P2RY8: variants seen among roughly 807,000 people sequenced by gnomAD.
The protein encoded by P2RY8 is P2Y receptor family member 8, also known as S-geranylgeranyl-glutathione receptor P2RY8.
P2RY8 carries 6 observed loss-of-function variants against 10.0 expected under a neutral mutation model. That is an observed-to-expected ratio of 0.60 (90% confidence interval 0.33 to 1.19). P2RY8 has a LOEUF of 1.19. Among genes scored for constraint, P2RY8 ranks in the 50% most tolerant of loss-of-function variants. The pLI, the probability that P2RY8 is intolerant of heterozygous loss-of-function variation, is 0.04. For missense variants in P2RY8, 456 were observed against 542.0 expected (o/e 0.84, Z 1.58); for synonymous variants, 276 against 252.5 (o/e 1.09, Z -0.88).
chrX:1,509,328 GTATT>G lies in P2RY8; in HGVS notation c.-25+27589_-25+27592del, dbSNP rs1280740834. ...ATTCATCCATCTATCTATCCTGTAT[GTATT>G]TATCTATCCATCATCCATCCATCCA... On this transcript the variant is annotated intron_variant, in intron 1 of 1. Coordinates refer to ENST00000381297, the MANE Select transcript of P2RY8 (RefSeq NM_178129.5). Among the ~76,000 whole-genome samples the G allele has an allele frequency of 2.1e-5, 3 of 145,126 alleles. No homozygotes were observed. In the Admixed American group the frequency reaches 2.1e-4, roughly 10 times the overall value.
intron 1 of P2RY8, among the ~76,000 whole-genome samples, chrX:1,530,968 T>C (rs2092470697): frequency 6.6e-6 from 1 of 151,038 alleles, no homozygotes; most frequent in Non-Finnish European, 1.5e-5. Context: ...TTTATCCATG[T>C]ATGTATGTAT....
intron 1 of P2RY8, among the ~76,000 whole-genome samples, chrX:1,484,025 GCTCCCTTAGACCCAAAGCTGGA>G (rs2091963585): frequency 6.6e-6 from 1 of 151,142 alleles, no homozygotes; most frequent in Non-Finnish European, 1.5e-5. Context: ...TCAAAGCTGG[GCTCCCTTAGACCCAAAGCTGGA>G]CTCCCCTAAA....
rs187626374 is a variant in P2RY8 at position 1,478,159 on chromosome X, T to A, written c.-24-11577A>T. ...GAAGTTCTTGACTCATGTGGAACCT[T>A]CCATTGGTATCTCCTGTTTCCAATC... On this transcript the variant is annotated intron_variant, in intron 1 of 1. Coordinates refer to ENST00000381297, the MANE Select transcript of P2RY8 (RefSeq NM_178129.5). Among the ~76,000 whole-genome samples the A allele has an allele frequency of 3.5e-3, 536 of 152,144 alleles. 1 individual carries two copies. The highest frequency in any genetic ancestry group is 0.012 in the African/African-American group (511 of 41,508).
intron 1 of P2RY8, among the ~76,000 whole-genome samples, chrX:1,515,802 G>A (rs2092342178): frequency 6.6e-6 from 1 of 151,952 alleles, no homozygotes; most frequent in Non-Finnish European, 1.5e-5. Flanking sequence ...GCTGTCAGGA[G>A]GTGAGAGCTC....
intron 1 of P2RY8, among the ~76,000 whole-genome samples, 157 bp from the exon 2 acceptor site, chrX:1,466,739 C>A (rs1239819219): frequency 1.5e-5 from 2 of 136,296 alleles, no homozygotes; most frequent in African/African-American, 5.1e-5. Context: ...TTAGTTCCTC[C>A]TTCCCTCTCC....
intron 1 of P2RY8, among the ~76,000 whole-genome samples, chrX:1,472,250 T>C (rs1349353785): frequency 7.0e-6 from 1 of 143,234 alleles, no homozygotes; most frequent in Non-Finnish European, 1.5e-5. Flanking sequence ...GAGGCCCTAA[T>C]AAAATTCACT....
intron 1 of P2RY8, among the ~76,000 whole-genome samples, chrX:1,534,285 T>TAC (rs1263398583): frequency 3.4e-5 from 5 of 146,772 alleles, no homozygotes; most frequent in Admixed American, 2.1e-4. Flanking sequence ...CATATATATA[T>TAC]ACACACACAC....
intron 1 of P2RY8, among the ~76,000 whole-genome samples, chrX:1,479,997 C>A (rs1360517343): frequency 6.6e-6 from 1 of 152,112 alleles, no homozygotes; most frequent in African/African-American, 2.4e-5. Flanking sequence ...AATTTAATAA[C>A]CTTCCCAAAC....
rs1470269632 is a variant in P2RY8 at position 1,465,425 on chromosome X, C to T, written c.*54G>A. The T allele has an allele frequency of 6.9e-5, 106 of 1,541,650 alleles. No homozygotes were observed. Among genetic ancestry groups the T allele is most frequent in the Non-Finnish European group, 9.0e-5 (104 of 1,150,170 alleles). ...CCTCTGGCACCGTGGCCTCTCCATG[C>T]GCCCCTGGATCTCCAAGCTGCGCCC... is the stretch of plus-strand genomic sequence containing the variant. On this transcript the variant is annotated 3_prime_UTR_variant, in exon 2 of 2. Transcript: ENST00000381297.
chrX:1,530,005 G>A (rs2092461753), intron 1 of P2RY8, among the ~76,000 whole-genome samples: 1 of 151,770 alleles, frequency 6.6e-6, no homozygotes, highest in East Asian at 1.9e-4. Context: ...AGAATCACCC[G>A]GCCCCAAATG....
chrX:1,473,108 G>A (rs1187285413), intron 1 of P2RY8, among the ~76,000 whole-genome samples: 1 of 149,162 alleles, frequency 6.7e-6, no homozygotes, highest in Non-Finnish European at 1.5e-5. Context: ...TGGATGAATT[G>A]ATGGGTTGAT....
rs370467171 is a variant in P2RY8 at position 1,483,508 on chromosome X, C to T, written c.-24-16926G>A. 5.3e-5 allele frequency among the ~76,000 whole-genome samples: 8 copies of T among 152,206 alleles called. No individual in the cohort carries two copies. The East Asian group carries it at 5.8e-4, about 11-fold the overall frequency. ...AATTAGCCAGGCATGGAGGCGCATG[C>T]CTGTAATCCCAGCTACTCAGGAGGC... On this transcript the variant is annotated intron_variant, in intron 1 of 1. Coordinates refer to ENST00000381297, the MANE Select transcript of P2RY8 (RefSeq NM_178129.5).
Position 1,463,007 on chromosome X carries a change from C to T in P2RY8, c.*2472G>A, listed in dbSNP as rs1237771928. On this transcript the variant is annotated 3_prime_UTR_variant, in exon 2 of 2. Transcript: ENST00000381297. ...AAAAAAAATCGACGCATTTTGCCTG[C>T]TTGCAACGTCTTCCTTTGCTGGGGG... 2 of 232,572 alleles carry T rather than the reference C, an allele frequency of 8.6e-6. No homozygotes were observed. Among genetic ancestry groups the T allele is most frequent in the East Asian group, 6.0e-5 (1 of 16,586 alleles). The allele number at this position is 232,572 out of a possible 1,614,324, so 14.4% of individuals were successfully genotyped here.
intron 1 of P2RY8, among the ~76,000 whole-genome samples, chrX:1,517,414 G>A (rs188645798): frequency 8.7e-4 from 133 of 152,154 alleles, no homozygotes; most frequent in African/African-American, 3.0e-3. Flanking sequence ...TTGGGCCCCC[G>A]CCCCATCCCA....
intron 1 of P2RY8, among the ~76,000 whole-genome samples, chrX:1,509,908 A>G (rs2092286223): frequency 6.7e-6 from 1 of 150,218 alleles, no homozygotes; most frequent in Non-Finnish European, 1.5e-5. Flanking sequence ...GTATCTATCT[A>G]TCTTCTCTAT....
chrX:1,514,185 C>T, intron 1 of P2RY8, among the ~76,000 whole-genome samples: 1 of 152,316 alleles, frequency 6.6e-6, no homozygotes. Context: ...TATCTCCCCA[C>T]ATCCAACACC....
chrX:1,518,873 C>A (rs1486860787), intron 1 of P2RY8, among the ~76,000 whole-genome samples: 125 of 152,210 alleles, frequency 8.2e-4, no homozygotes, highest in Non-Finnish European at 1.4e-3. Flanking sequence ...CCATTAAGCC[C>A]CAATATTTTA....
Position 1,489,356 on chromosome X carries a change from G to A in P2RY8, c.-24-22774C>T, listed in dbSNP as rs188844892. ...CAGTGGAGAGAATGAATGAATGAACGACACCTAAGGATTCCTCACAAATGT... is the reference window on the plus strand; with the variant it reads ...CAGTGGAGAGAATGAATGAATGAACAACACCTAAGGATTCCTCACAAATGT... On this transcript the variant is annotated intron_variant, in intron 1 of 1. Transcript: ENST00000381297. 5.3e-5 allele frequency among the ~76,000 whole-genome samples: 8 copies of A among 151,138 alleles called. No homozygotes were observed. In the East Asian group the frequency reaches 6.0e-4, roughly 11 times the overall value.
chrX:1,474,961 G>C (rs2091859492), intron 1 of P2RY8, among the ~76,000 whole-genome samples: 1 of 148,368 alleles, frequency 6.7e-6, no homozygotes, highest in Non-Finnish European at 1.5e-5. Context: ...CGTGTGGGTG[G>C]ATGGATGGGT....
Sources: allele counts gnomAD v4.1 joint callset (sites outside exome capture counted in the v4.1 genomes callset), GRCh38; gene constraint gnomAD v4.1.1; transcripts MANE v1.5; gene names NCBI Gene and HGNC (gene_info 2026-07-23, HGNC 2026-07-21).